Variants in GALNT17 observed in about 807,000 individuals in gnomAD.
GALNT17 encodes the protein UDP-GalNAc:polypeptide N-acetylgalactosaminyltransferase-like 3.
A neutral mutation model predicts 63.7 loss-of-function variants in GALNT17; 29 were observed. That is an observed-to-expected ratio of 0.46 (90% CI 0.34 to 0.62). GALNT17 has a LOEUF of 0.62. Among genes scored for constraint, GALNT17 ranks in the 20% least tolerant of loss-of-function variants. The pLI is 0.01. For synonymous variants in GALNT17, 305 were observed against 318.3 expected (o/e 0.96, Z 0.45); for missense variants, 603 against 799.6 (o/e 0.75, Z 2.97).
At chr7:71,166,590 A>T (rs1271787292) in intron 1 of GALNT17, among the ~76,000 whole-genome samples, 1 of 152,198 alleles carries the variant, frequency 6.6e-6, no homozygotes, top group East Asian at 1.9e-4. Flanking sequence ...AGAGTTTAAC[A>T]TACATGGAAT....
chr7:71,651,583 G>A (rs886564613), intron 6 of GALNT17, among the ~76,000 whole-genome samples: 20 of 152,178 alleles, frequency 1.3e-4, no homozygotes, highest in African/African-American at 4.6e-4. Context: ...GATTATAGGC[G>A]TGAGCCACTG....
At chr7:71,694,630 A>T (rs1052969600) in intron 9 of GALNT17, among the ~76,000 whole-genome samples, 2 of 152,140 alleles carry the variant, frequency 1.3e-5, no homozygotes, top group Non-Finnish European at 2.9e-5. Flanking sequence ...TTCTGACCTC[A>T]AGTGATTCGC....
At chr7:71,201,727 G>T (rs1210868900) in intron 1 of GALNT17, among the ~76,000 whole-genome samples, 15 of 151,838 alleles carry the variant, frequency 9.9e-5, no homozygotes, top group African/African-American at 3.6e-4. Context: ...CGCCTCCCGG[G>T]TTCAAGCAAT....
At chr7:71,292,217 G>GA (rs1349142168) in intron 1 of GALNT17, among the ~76,000 whole-genome samples, 1 of 152,186 alleles carries the variant, frequency 6.6e-6, no homozygotes, top group East Asian at 1.9e-4. Context: ...ACCAGGCTGA[G>GA]AAACGAACTG....
At chr7:71,463,446 C>T (rs1457727185) in intron 5 of GALNT17, among the ~76,000 whole-genome samples, 1 of 152,030 alleles carries the variant, frequency 6.6e-6, no homozygotes, top group Non-Finnish European at 1.5e-5. Context: ...AAAGGGGTCC[C>T]AATCCAGACC....
chr7:71,589,674 C>T (rs78414803), intron 6 of GALNT17, among the ~76,000 whole-genome samples: 1 of 152,048 alleles, frequency 6.6e-6, no homozygotes, highest in East Asian at 1.9e-4. Context: ...ATTCAGTGCT[C>T]GTGAGATTTC....
intron 1 of GALNT17, among the ~76,000 whole-genome samples, chr7:71,264,427 A>C (rs571906451): frequency 6.6e-6 from 1 of 152,128 alleles, no homozygotes; most frequent in Non-Finnish European, 1.5e-5. Flanking sequence ...ACCTACTGTA[A>C]AAATGTAATA....
intron 5 of GALNT17, among the ~76,000 whole-genome samples, chr7:71,536,104 G>A (rs1788797905): frequency 6.6e-6 from 1 of 152,170 alleles, no homozygotes; most frequent in Non-Finnish European, 1.5e-5. Flanking sequence ...AAAGATTAAA[G>A]ACCAAATATC....
intron 6 of GALNT17, among the ~76,000 whole-genome samples, chr7:71,654,396 C>T (rs371557823): frequency 2.0e-5 from 3 of 152,112 alleles, no homozygotes; most frequent in African/African-American, 4.8e-5. Context: ...CAACTGAGGA[C>T]GGCAGATAAT....
chr7:71,235,736 G>T (rs995665643), intron 1 of GALNT17, among the ~76,000 whole-genome samples: 3 of 152,168 alleles, frequency 2.0e-5, no homozygotes, highest in African/African-American at 4.8e-5. Context: ...CCTGTGGCCT[G>T]GGTTCCCCCA....
intron 6 of GALNT17, among the ~76,000 whole-genome samples, chr7:71,605,707 T>A (rs1197501161): frequency 6.6e-6 from 1 of 152,166 alleles, no homozygotes; most frequent in East Asian, 1.9e-4. Flanking sequence ...CAGGATAATC[T>A]GGGGTTAGAG....
chr7:71,443,818 GCGTTGA>G (rs1385677616), intron 5 of GALNT17, among the ~76,000 whole-genome samples: 1 of 151,628 alleles, frequency 6.6e-6, no homozygotes, highest in Non-Finnish European at 1.5e-5. Context: ...TCCACCTCCT[GCGTTGA>G]AGTCATTCTT....
chr7:71,548,851 TAG>T (rs2116825138), intron 5 of GALNT17, among the ~76,000 whole-genome samples: 1 of 152,360 alleles, frequency 6.6e-6, no homozygotes, highest in East Asian at 1.9e-4. Flanking sequence ...CCTGTTTCCA[TAG>T]AGTCTTGTTT....
chr7:71,385,102 G>C (rs1415314726), intron 2 of GALNT17, among the ~76,000 whole-genome samples: 1 of 152,182 alleles, frequency 6.6e-6, no homozygotes, highest in Non-Finnish European at 1.5e-5. Context: ...GGCAGAGACT[G>C]AGGGGCATCA....
intron 2 of GALNT17, among the ~76,000 whole-genome samples, chr7:71,383,458 A>T (rs1386029502): frequency 1.3e-5 from 2 of 152,158 alleles, no homozygotes; most frequent in African/African-American, 4.8e-5. Flanking sequence ...ATTGTTATTG[A>T]GACTGAGTCT....
intron 10 of GALNT17, among the ~76,000 whole-genome samples, chr7:71,711,771 C>T (rs1791796551): frequency 6.7e-6 from 1 of 150,052 alleles, no homozygotes. Flanking sequence ...CTCTTTGTCT[C>T]GTTCTCTCTC....
chr7:71,404,128 T>C (rs888349802), intron 3 of GALNT17, among the ~76,000 whole-genome samples: 3 of 152,194 alleles, frequency 2.0e-5, no homozygotes, highest in African/African-American at 7.2e-5. Flanking sequence ...TACTATGATG[T>C]TTCCTTGTAG....
chr7:71,216,800 GCA>G (rs869037635), intron 1 of GALNT17, among the ~76,000 whole-genome samples: 3 of 151,160 alleles, frequency 2.0e-5, no homozygotes, highest in Non-Finnish European at 4.4e-5. Flanking sequence ...ACACATATAT[GCA>G]CACACACATG....
At chr7:71,145,598 A>G (rs1467498153) in intron 1 of GALNT17, among the ~76,000 whole-genome samples, 2 of 152,240 alleles carry the variant, frequency 1.3e-5, no homozygotes, top group African/African-American at 4.8e-5. Context: ...TCAGAGAACA[A>G]GCTGACCTAG....
Sources: allele counts gnomAD v4.1 joint callset (sites outside exome capture counted in the v4.1 genomes callset), GRCh38; gene constraint gnomAD v4.1.1; transcripts MANE v1.5; gene names NCBI Gene and HGNC (gene_info 2026-07-23, HGNC 2026-07-21).